Variants in SESTD1 observed in about 807,000 individuals in gnomAD.
The protein encoded by SESTD1 is SEC14 domain and spectrin repeat-containing protein 1.
In SESTD1, 43 loss-of-function variants were observed where a neutral mutation model predicts 101.7. That is an observed-to-expected ratio of 0.42 (90% CI 0.33 to 0.55). The LOEUF (loss-of-function observed/expected upper bound fraction) is 0.55. SESTD1 is among the 20% of genes least tolerant of loss of function. The pLI, the probability that SESTD1 is intolerant of heterozygous loss-of-function variation, is 0.07. For missense variants in SESTD1, 647 were observed against 815.1 expected (o/e 0.79, Z 2.51); for synonymous variants, 283 against 286.8 (o/e 0.99, Z 0.13).
intron 1 of SESTD1, among the ~76,000 whole-genome samples, chr2:179,216,218 G>A (rs2046717732): frequency 7.4e-6 from 1 of 135,078 alleles, no homozygotes; most frequent in Admixed American, 7.2e-5. Flanking sequence ...CAGATGACAT[G>A]ATTGTGTATT....
intron 4 of SESTD1, among the ~76,000 whole-genome samples, chr2:179,173,141 G>C (rs1052309845): frequency 6.6e-6 from 1 of 152,164 alleles, no homozygotes; most frequent in Non-Finnish European, 1.5e-5. Context: ...CTTTGTCCAT[G>C]CTATTTCCTC....
intron 1 of SESTD1, among the ~76,000 whole-genome samples, chr2:179,193,088 G>A (rs2046341606): frequency 6.6e-6 from 1 of 151,920 alleles, no homozygotes; most frequent in Non-Finnish European, 1.5e-5. Flanking sequence ...TCCAGAAACA[G>A]CCCTGCTCTA....
At chr2:179,130,607 T>G (rs2044989222) in intron 10 of SESTD1, among the ~76,000 whole-genome samples, 1 of 152,064 alleles carries the variant, frequency 6.6e-6, no homozygotes, top group Non-Finnish European at 1.5e-5. Flanking sequence ...TAACTGTAAT[T>G]ATTTATCTTG....
At chr2:179,203,112 G>C (rs1320518988) in intron 1 of SESTD1, among the ~76,000 whole-genome samples, 5 of 134,552 alleles carry the variant, frequency 3.7e-5, no homozygotes, top group Admixed American at 3.6e-4. Context: ...CAACTCTTCT[G>C]ACAGATGGTT....
At chr2:179,172,748 C>T (rs1358657082) in intron 4 of SESTD1, among the ~76,000 whole-genome samples, 4 of 152,138 alleles carry the variant, frequency 2.6e-5, no homozygotes, top group African/African-American at 9.7e-5. Flanking sequence ...AATACAATTT[C>T]ACATTTACTT....
intron 1 of SESTD1, among the ~76,000 whole-genome samples, chr2:179,260,021 A>G (rs568717791): frequency 6.6e-6 from 1 of 152,248 alleles, no homozygotes; most frequent in Non-Finnish European, 1.5e-5. Flanking sequence ...AACTGTCCCT[A>G]GCTCCACCAT....
intron 1 of SESTD1, among the ~76,000 whole-genome samples, chr2:179,227,077 G>A (rs2046898011): frequency 6.6e-6 from 1 of 152,188 alleles, no homozygotes; most frequent in African/African-American, 2.4e-5. Context: ...TATGAATGAA[G>A]AGGGGCACTT....
At chr2:179,250,512 A>G (rs1352273410) in intron 1 of SESTD1, among the ~76,000 whole-genome samples, 6 of 152,228 alleles carry the variant, frequency 3.9e-5, no homozygotes, top group Non-Finnish European at 8.8e-5. Context: ...TTAAGGTGTC[A>G]GCAGGTTTGG....
intron 1 of SESTD1, among the ~76,000 whole-genome samples, chr2:179,198,175 A>G (rs1248846314): frequency 6.6e-6 from 1 of 152,216 alleles, no homozygotes; most frequent in Non-Finnish European, 1.5e-5. Flanking sequence ...CTCTGACAAA[A>G]CAGACTTTAA....
intron 5 of SESTD1, among the ~76,000 whole-genome samples, chr2:179,160,521 A>T (rs948210119): frequency 9.2e-5 from 14 of 151,808 alleles, no homozygotes; most frequent in African/African-American, 3.4e-4. Context: ...TTTCTGCAAA[A>T]CCTTCTTTTA....
intron 1 of SESTD1, among the ~76,000 whole-genome samples, chr2:179,245,235 A>T (rs970004470): frequency 6.6e-6 from 1 of 151,906 alleles, no homozygotes; most frequent in African/African-American, 2.4e-5. Context: ...TAGCCAGATG[A>T]GCTGGGCACG....
At chr2:179,160,766 C>T (rs868179433) in intron 5 of SESTD1, among the ~76,000 whole-genome samples, 1 of 151,838 alleles carries the variant, frequency 6.6e-6, no homozygotes, top group Admixed American at 6.6e-5. Context: ...TCACTATTTC[C>T]CAGTTATGAA....
chr2:179,183,065 C>A lies in SESTD1; in HGVS notation c.164+15G>T. ...AAACATACTGAGATTTAAGAAAAGACACCTTTAGAGTCACCTTGGAATGCT... is the reference window on the plus strand; with the variant it reads ...AAACATACTGAGATTTAAGAAAAGAAACCTTTAGAGTCACCTTGGAATGCT... On this transcript the variant is annotated intron_variant, in intron 3 of 17. Coordinates refer to ENST00000428443, the MANE Select transcript of SESTD1 (RefSeq NM_178123.5). The A allele has an allele frequency of 6.6e-7, 1 of 1,511,794 alleles. No homozygotes were observed. Among genetic ancestry groups the A allele is most frequent in the South Asian group, 1.3e-5 (1 of 78,258 alleles). 93.6% of individuals were successfully genotyped at this position (1,511,794 alleles called of 1,614,324 possible). A position where few individuals can be genotyped will look rare whatever the true frequency, so the allele number is the denominator to read the frequency against.
intron 1 of SESTD1, among the ~76,000 whole-genome samples, chr2:179,195,091 T>C (rs1325008290): frequency 1.3e-5 from 2 of 152,182 alleles, no homozygotes; most frequent in East Asian, 3.9e-4. Context: ...TTCTAGATTG[T>C]CCTAAGGACA....
intron 5 of SESTD1, among the ~76,000 whole-genome samples, chr2:179,164,077 T>G (rs774074730): frequency 6.6e-5 from 10 of 152,212 alleles, no homozygotes; most frequent in Non-Finnish European, 1.3e-4. Flanking sequence ...TATGTATTTC[T>G]GCACTTAGTA....
intron 1 of SESTD1, among the ~76,000 whole-genome samples, chr2:179,247,613 C>CT (rs2047253511): frequency 8.6e-6 from 1 of 116,856 alleles, no homozygotes; most frequent in East Asian, 2.6e-4. Flanking sequence ...TTTTTTTTTT[C>CT]TTTTTTTGTA....
At chr2:179,117,653 T>C (rs2044663227) in intron 13 of SESTD1, 40 bp from the exon 14 acceptor site, 1 of 1,484,584 alleles carries the variant, frequency 6.7e-7, no homozygotes, top group Admixed American at 2.4e-5. Flanking sequence ...TCATTTCTGT[T>C]TTATTGATTA....
rs539978103 is a variant in SESTD1, at chr2:179,104,718, A to G, written c.*5181T>C. ...CACTGCTCCTGATAAGTAGCAGTTG[A>G]TAACTACTTTCAGTTAAGAATTCCT... On this transcript the variant is annotated 3_prime_UTR_variant, in exon 18 of 18. Transcript: ENST00000428443. The G allele has an allele frequency of 2.0e-5, 3 of 152,280 alleles. No individual in the cohort carries two copies. Among genetic ancestry groups the G allele is most frequent in the South Asian group, 4.1e-4 (2 of 4,824 alleles). The allele number at this position is 152,280 out of a possible 1,614,324, so 9.4% of individuals were successfully genotyped here. A position where few individuals can be genotyped will look rare whatever the true frequency, so the allele number is the denominator to read the frequency against.
intron 1 of SESTD1, among the ~76,000 whole-genome samples, chr2:179,197,854 C>T (rs1028972375): frequency 6.6e-6 from 1 of 152,096 alleles, no homozygotes; most frequent in African/African-American, 2.4e-5. Flanking sequence ...ACTGCAAAAT[C>T]ATGCCAAATT....
Sources: gnomAD v4.1 joint callset for allele counts (sites outside exome capture counted in the v4.1 genomes callset) on GRCh38, gnomAD v4.1.1 for gene constraint, MANE v1.5 for transcripts, NCBI Gene and HGNC (gene_info 2026-07-23, HGNC 2026-07-21) for gene names.